Variants in CHFR observed in about 807,000 individuals in gnomAD.
The protein encoded by CHFR is E3 ubiquitin-protein ligase CHFR.
A neutral mutation model predicts 87.6 loss-of-function variants in CHFR; 57 were observed. The ratio of observed to expected loss-of-function variants is 0.65; its 90% CI spans 0.53 to 0.81. The LOEUF (loss-of-function observed/expected upper bound fraction) is 0.81, where lower values mean the gene tolerates loss of function less well. Ranked by LOEUF, CHFR falls within the 30% of genes least tolerant of loss-of-function variation. The probability of loss-of-function intolerance (pLI) is 0.00; values close to 1 mark genes in which losing one functional copy is unlikely to be tolerated. For synonymous variants in CHFR, 381 were observed against 359.2 expected, an observed-to-expected ratio of 1.06 and a Z score of -0.69; for missense variants, 797 against 865.8, an observed-to-expected ratio of 0.92 and a Z score of 1.00.
At chr12:132,870,046 TA>T (rs889780075) in intron 5 of CHFR, among the ~76,000 whole-genome samples, 31 of 152,062 alleles carry the variant, frequency 2.0e-4, no homozygotes, top group African/African-American at 7.0e-4. Context: ...CCGTCTCTAC[TA>T]AAAATATAAA....
chr12:132,878,771 T>C (rs949847722), intron 2 of CHFR, among the ~76,000 whole-genome samples: 1 of 134,860 alleles, frequency 7.4e-6, no homozygotes, highest in African/African-American at 2.7e-5. Context: ...AGTGAGCCGA[T>C]ATGGCGCCAC....
At chr12:132,865,423 C>T (rs530443967) in intron 6 of CHFR, among the ~76,000 whole-genome samples, 4 of 151,900 alleles carry the variant, frequency 2.6e-5, no homozygotes, top group East Asian at 3.9e-4. Flanking sequence ...GACGCGGTAT[C>T]GGCTCACTGC....
intron 5 of CHFR, 129 bp downstream of exon 5, chr12:132,870,595 G>A (rs1306682961): frequency 1.2e-5 from 7 of 578,690 alleles, no homozygotes; most frequent in African/African-American, 7.6e-5. Context: ...AGGAGGCGGA[G>A]GCTGCAGTGA....
At chr12:132,848,386 C>T (rs976309352) in intron 13 of CHFR, 8 of 802,162 alleles carry the variant, frequency 1.0e-5, no homozygotes, top group African/African-American at 1.7e-5. Flanking sequence ...GTCTTGGTAT[C>T]GTAACAGCAG....
At chr12:132,844,274 G>A in intron 15 of CHFR, 140 bp from the exon 16 acceptor site, 1 of 614,210 alleles carries the variant, frequency 1.6e-6, no homozygotes, top group Non-Finnish European at 3.0e-6. Context: ...TAAGAACAAA[G>A]CCAATCTAGA....
intron 17 of CHFR, among the ~76,000 whole-genome samples, chr12:132,842,108 C>CAAAAAAAAAAA (rs35177584): frequency 9.7e-6 from 1 of 103,362 alleles, no homozygotes; most frequent in African/African-American, 3.6e-5. Context: ...GACTCCATCT[C>CAAAAAAAAAAA]AAAAAAAAAA....
chr12:132,870,078 C>T (rs1039302351), intron 5 of CHFR, among the ~76,000 whole-genome samples: 3 of 151,774 alleles, frequency 2.0e-5, no homozygotes, highest in African/African-American at 7.3e-5. Flanking sequence ...GCGTGCCGGG[C>T]GCGGTGGCTC....
chr12:132,870,703 C>A (rs745530337), intron 5 of CHFR, 21 bp downstream of exon 5: 2 of 1,567,022 alleles, frequency 1.3e-6, no homozygotes, highest in Middle Eastern at 1.7e-4. Context: ...GCACCCACTT[C>A]TTTGCTACAC....
chr12:132,887,104 G>A (rs1951913788), intron 2 of CHFR, 92 bp downstream of exon 2: 1 of 1,104,442 alleles, frequency 9.1e-7, no homozygotes. Flanking sequence ...GGAAAAATCT[G>A]GAGCGCACAC....
chr12:132,872,529 C>T (rs932058651), intron 3 of CHFR, 135 bp from the exon 4 acceptor site: 6 of 625,972 alleles, frequency 9.6e-6, no homozygotes, highest in East Asian at 2.8e-5. Flanking sequence ...AAATACGTAA[C>T]GATGCACACA....
In CHFR at chr12:132,834,213, T is replaced by C. The variant is rs925339347; in HGVS notation, c.*7341A>G. ...CTTTGACAACATGAATCTGGGATGT[T>C]TGAACACCAAGTGGAGCCATCAGGT... On this transcript the variant is annotated 3_prime_UTR_variant, in exon 18 of 18. Transcript: ENST00000450056. The C allele has an allele frequency of 6.6e-6, 1 of 152,296 alleles. No individual in the cohort carries two copies. Among genetic ancestry groups the C allele is most frequent in the Non-Finnish European group, 1.5e-5 (1 of 68,146 alleles). 9.4% of individuals were successfully genotyped at this position (152,296 alleles called of 1,614,324 possible). A position where few individuals can be genotyped will look rare whatever the true frequency, so the allele number is the denominator to read the frequency against.
At chr12:132,886,364 T>A (rs1593548152) in intron 2 of CHFR, among the ~76,000 whole-genome samples, 2 of 67,828 alleles carry the variant, frequency 2.9e-5, no homozygotes, top group African/African-American at 4.1e-5. Context: ...TTATAAGGGG[T>A]GAAATTAACC....
At chr12:132,861,184 G>A (rs1039910496) in intron 7 of CHFR, among the ~76,000 whole-genome samples, 10 of 152,356 alleles carry the variant, frequency 6.6e-5, no homozygotes, top group Admixed American at 3.3e-4. Context: ...ACCTGGCCAG[G>A]AAGGAGGATT....
intron 10 of CHFR, chr12:132,853,834 C>A: frequency 2.1e-6 from 1 of 485,526 alleles, no homozygotes; most frequent in South Asian, 2.7e-5. Flanking sequence ...GTCACTAGGT[C>A]CCCACTGACG....
Position 132,839,455 on chromosome 12 carries a change from C to G in CHFR, c.*2099G>C, listed in dbSNP as rs1220626370. 7.6e-6 allele frequency: 1 copy of G among 132,188 alleles called. No homozygotes were observed. The highest frequency in any genetic ancestry group is 1.5e-5 in the Non-Finnish European group (1 of 64,638). 8.2% of individuals were successfully genotyped at this position (132,188 alleles called of 1,614,324 possible). A position where few individuals can be genotyped will look rare whatever the true frequency, so the allele number is the denominator to read the frequency against. On this transcript the variant is annotated 3_prime_UTR_variant, in exon 18 of 18. Coordinates refer to ENST00000450056, the MANE Select transcript of CHFR (RefSeq NM_001161346.2). ...CTGCACAAACTTGGGACCTCCCCCT[C>G]TCAGCCTCACCCCTGCACTAAGGAC...
intron 6 of CHFR, chr12:132,862,294 T>C: frequency 4.2e-6 from 1 of 240,654 alleles, no homozygotes; most frequent in Non-Finnish European, 8.4e-6. Context: ...AAAATAAAAA[T>C]AAAAAATAGA....
At chr12:132,863,370 G>A (rs1406916993) in intron 6 of CHFR, among the ~76,000 whole-genome samples, 1 of 152,014 alleles carries the variant, frequency 6.6e-6, no homozygotes, top group Admixed American at 6.5e-5. Flanking sequence ...GGCCGGGTGT[G>A]GTGGCACATG....
intron 2 of CHFR, among the ~76,000 whole-genome samples, chr12:132,883,193 C>T (rs1193290469): frequency 6.6e-6 from 1 of 151,944 alleles, no homozygotes; most frequent in African/African-American, 2.4e-5. Flanking sequence ...ATTGGGAGGC[C>T]GAGGCGGGAG....
rs114480187 is a variant in CHFR at position 132,864,297 on chromosome 12, G to A, written c.584-2663C>T. Among the ~76,000 whole-genome samples, 321 of 152,076 alleles carry A rather than the reference G, an allele frequency of 2.1e-3. 2 individuals carry two copies. The highest frequency in any genetic ancestry group is 7.3e-3 in the African/African-American group (305 of 41,514). On this transcript the variant is annotated intron_variant, in intron 6 of 17. Coordinates refer to ENST00000450056, the MANE Select transcript of CHFR (RefSeq NM_001161346.2). ...ACAGCCTGTGGGCCGGCCCCCAGCC[G>A]GCACCCACTCACGCCATCATCTCCA... is the stretch of plus-strand genomic sequence containing the variant.
Sources: gnomAD v4.1 joint callset for allele counts (sites outside exome capture counted in the v4.1 genomes callset) on GRCh38, gnomAD v4.1.1 for gene constraint, MANE v1.5 for transcripts, NCBI Gene and HGNC (gene_info 2026-07-23, HGNC 2026-07-21) for gene names.